The following IQUB variants were observed in gnomAD, a reference collection of about 807,000 sequenced individuals.
The protein encoded by IQUB is IQ motif and ubiquitin domain containing.
IQUB carries 86 observed loss-of-function variants against 86.4 expected under a neutral mutation model. The ratio of observed to expected loss-of-function variants is 1.00; its 90% CI spans 0.84 to 1.19. The LOEUF (loss-of-function observed/expected upper bound fraction) is 1.19, where lower values mean the gene tolerates loss of function less well. Ranked by LOEUF, IQUB falls within the 50% of genes most tolerant of loss-of-function variation. The pLI is 0.00. For synonymous variants in IQUB, 289 were observed against 304.5 expected (o/e 0.95, Z 0.53); for missense variants, 946 against 916.9 (o/e 1.03, Z -0.41).
chr7:123,472,239 A>G (rs1261060045), intron 8 of IQUB, among the ~76,000 whole-genome samples: 4 of 149,616 alleles, frequency 2.7e-5, no homozygotes, highest in Non-Finnish European at 5.9e-5. Flanking sequence ...CCCCAACTCA[A>G]AAAAAAAAAG....
chr7:123,486,433 C>A (rs1218881272), intron 7 of IQUB, among the ~76,000 whole-genome samples: 1 of 152,154 alleles, frequency 6.6e-6, no homozygotes, highest in Non-Finnish European at 1.5e-5. Context: ...GTGTTTAGCA[C>A]TTTACTTATT....
chr7:123,504,323 G>C (rs1796081048), intron 3 of IQUB, among the ~76,000 whole-genome samples: 1 of 152,048 alleles, frequency 6.6e-6, no homozygotes, highest in South Asian at 2.1e-4. Flanking sequence ...GGTGGCATAT[G>C]CCTGTAATCC....
At chr7:123,470,759 G>A (rs1160370433) in intron 8 of IQUB, among the ~76,000 whole-genome samples, 1 of 151,900 alleles carries the variant, frequency 6.6e-6, no homozygotes, top group Non-Finnish European at 1.5e-5. Flanking sequence ...GCTGAGGCAG[G>A]AGAATGGCAT....
rs764243722 is a variant in IQUB at position 123,469,331 on chromosome 7, A to G, written c.1464T>C (p.Asp488=). ...CTCTGGCTCTGATGGTGAACTGCGT[A>G]TCCATCTCAATTGTTTTGCCATTAG... ...RTPNGKTIEM[D]TQFTIRAREL... Residue 488 remains aspartate (D), a synonymous_variant, in exon 9 of 13, where the codon GAT becomes GAC. Coordinates refer to ENST00000324698, the MANE Select transcript of IQUB (RefSeq NM_178827.5). 3.1e-6 allele frequency: 5 copies of G among 1,608,212 alleles called. No homozygotes were observed. Among genetic ancestry groups the G allele is most frequent in the Non-Finnish European group, 4.2e-6 (5 of 1,176,848 alleles).
intron 3 of IQUB, among the ~76,000 whole-genome samples, chr7:123,506,603 C>CTCAT (rs1195541372): frequency 6.6e-6 from 1 of 151,988 alleles, no homozygotes; most frequent in Non-Finnish European, 1.5e-5. Context: ...ACAACCAGAT[C>CTCAT]TCATGATAAC....
At chr7:123,487,885 G>T (rs1795275026) in intron 7 of IQUB, among the ~76,000 whole-genome samples, 1 of 152,106 alleles carries the variant, frequency 6.6e-6, no homozygotes, top group South Asian at 2.1e-4. Flanking sequence ...TGTCATATAG[G>T]ATTCATCCAC....
chr7:123,512,451 T>C, intron 1 of IQUB, 107 bp from the exon 2 acceptor site: 1 of 580,496 alleles, frequency 1.7e-6, no homozygotes. Flanking sequence ...AACTAAAATG[T>C]TGCTCAATTT....
chr7:123,522,678 A>G (rs1436380779), intron 1 of IQUB, among the ~76,000 whole-genome samples: 1 of 152,142 alleles, frequency 6.6e-6, no homozygotes, highest in Non-Finnish European at 1.5e-5. Flanking sequence ...TTACATAATT[A>G]CTCGTTTTAT....
chr7:123,479,893 G>A lies in IQUB; in HGVS notation c.1312C>T (p.Leu438=). The change falls in exon 8 of 13, where the codon CTG becomes TTG. Residue 438 remains leucine, a synonymous_variant. Transcript: ENST00000324698. ...GCAATTATCTGAGTCTCTTTTTCCAGAAGTTCACACAGAGCAGCTTTCCTT... is the reference window on the plus strand; with the variant it reads ...GCAATTATCTGAGTCTCTTTTTCCAAAAGTTCACACAGAGCAGCTTTCCTT... ...AERKAALCEL[L]EKETQIIASI... is the part of the protein sequence containing the mutation. 6.2e-7 allele frequency: 1 copy of A among 1,612,976 alleles called. No homozygotes were observed. Among genetic ancestry groups the A allele is most frequent in the Non-Finnish European group, 8.5e-7 (1 of 1,179,358 alleles).
intron 9 of IQUB, among the ~76,000 whole-genome samples, chr7:123,466,195 GAATA>G (rs1324592571): frequency 7.9e-5 from 12 of 152,024 alleles, no homozygotes; most frequent in South Asian, 4.2e-4. Context: ...AGCCATAAAT[GAATA>G]GAGTCAGAAT....
chr7:123,526,692 A>G (rs1278825689), intron 1 of IQUB, among the ~76,000 whole-genome samples: 14 of 151,012 alleles, frequency 9.3e-5, no homozygotes, highest in African/African-American at 3.4e-4. Flanking sequence ...CATTTAGTCC[A>G]TTTACATTTA....
chr7:123,458,820 A>C (rs1419901851), intron 11 of IQUB, among the ~76,000 whole-genome samples: 1 of 151,962 alleles, frequency 6.6e-6, no homozygotes, highest in South Asian at 2.1e-4. Context: ...TGCCTATTAT[A>C]TTAGGCAGTA....
At chr7:123,489,703 C>A (rs1795374211) in intron 7 of IQUB, among the ~76,000 whole-genome samples, 3 of 149,740 alleles carry the variant, frequency 2.0e-5, no homozygotes. Flanking sequence ...AGAAACTGTC[C>A]CAAAAGCAGC....
At chr7:123,457,619 T>C in intron 11 of IQUB, 53 bp from the exon 12 acceptor site, 1 of 1,303,508 alleles carries the variant, frequency 7.7e-7, no homozygotes, top group South Asian at 1.3e-5. Context: ...TGTTTAAGAT[T>C]ATTATATTAC....
rs532581231 is a variant in IQUB at position 123,513,218 on chromosome 7, C to A, written c.-4-874G>T. ...ACCCACAGCCAGTGGAATTCTCTGG[C>A]TACTAAGTTATAAATTTTTAAAAAT... On this transcript the variant is annotated intron_variant, in intron 1 of 12. Coordinates refer to ENST00000324698, the MANE Select transcript of IQUB (RefSeq NM_178827.5). Among the ~76,000 whole-genome samples the A allele has an allele frequency of 5.3e-5, 8 of 152,014 alleles. No individual in the cohort carries two copies. In the South Asian group the frequency reaches 1.5e-3, roughly 28 times the overall value.
chr7:123,533,770 G>A (rs1199240324), intron 1 of IQUB, among the ~76,000 whole-genome samples: 2 of 152,180 alleles, frequency 1.3e-5, no homozygotes, highest in African/African-American at 4.8e-5. Flanking sequence ...AAGGTGGCCT[G>A]GAGATGGGGA....
At chr7:123,473,320 T>G (rs189711893) in intron 8 of IQUB, among the ~76,000 whole-genome samples, 67 of 152,250 alleles carry the variant, frequency 4.4e-4, no homozygotes, top group Non-Finnish European at 7.8e-4. Flanking sequence ...GAAAAAGCAT[T>G]TAAAAGACAC....
At chr7:123,534,363 C>G (rs1246273347) in intron 1 of IQUB, 129 bp downstream of exon 1, 1 of 152,350 alleles carries the variant, frequency 6.6e-6, no homozygotes, top group Non-Finnish European at 1.5e-5. Flanking sequence ...ACCGACTAGG[C>G]AGCCCCAGGC....
At chr7:123,508,605 T>A (rs1308892083) in intron 3 of IQUB, among the ~76,000 whole-genome samples, 17 of 152,146 alleles carry the variant, frequency 1.1e-4, no homozygotes, top group Admixed American at 1.1e-3. Flanking sequence ...AGACGAAAGG[T>A]CATGAGGTAT....
Sources: allele counts gnomAD v4.1 joint callset (sites outside exome capture counted in the v4.1 genomes callset), GRCh38; gene constraint gnomAD v4.1.1; transcripts MANE v1.5; gene names NCBI Gene and HGNC (gene_info 2026-07-23, HGNC 2026-07-21).